The following FMC1 variants were observed in gnomAD, a reference collection of about 807,000 sequenced individuals.
FMC1 encodes protein FMC1 homolog.
FMC1 carries 6 observed loss-of-function variants against 10.5 expected under a neutral mutation model. That is an observed-to-expected ratio of 0.57 (90% confidence interval 0.31 to 1.12). The LOEUF is 1.12. FMC1 is among the 50% of genes most tolerant of loss of function. The pLI is 0.05. For missense variants in FMC1, 146 were observed against 151.7 expected, an observed-to-expected ratio of 0.96 and a Z score of 0.20; for synonymous variants, 59 against 62.1, an observed-to-expected ratio of 0.95 and a Z score of 0.24.
chr7:139,345,929 T>C lies in FMC1; in HGVS notation c.*225T>C, dbSNP rs1799250902. The C allele has an allele frequency of 2.4e-6, 1 of 408,254 alleles. No homozygotes were observed. Among genetic ancestry groups the C allele is most frequent in the Admixed American group, 4.4e-5 (1 of 22,504 alleles). The allele number at this position is 408,254 out of a possible 1,614,324, so 25.3% of individuals were successfully genotyped here. A position where few individuals can be genotyped will look rare whatever the true frequency, so the allele number is the denominator to read the frequency against. On this transcript the variant is annotated 3_prime_UTR_variant, in exon 2 of 2. Transcript: ENST00000297534. ...TTCTACTTAAAAAAATTTTTTTATATTTTATTTTAAAAGTAGTACAAGCCT... is the reference window on the plus strand; with the variant it reads ...TTCTACTTAAAAAAATTTTTTTATACTTTATTTTAAAAGTAGTACAAGCCT...
At position 139,341,341 on chromosome 7, in the gene FMC1, T is replaced by G; in HGVS notation, c.-44T>G. The G allele has an allele frequency of 6.3e-7, 1 of 1,582,486 alleles. No homozygotes were observed. Among genetic ancestry groups the G allele is most frequent in the Non-Finnish European group, 8.6e-7 (1 of 1,159,052 alleles). On this transcript the variant is annotated 5_prime_UTR_variant, in exon 1 of 2. Coordinates refer to ENST00000297534, the MANE Select transcript of FMC1 (RefSeq NM_197964.5). ...TGGGCCGGAGGAGGGGTTTTCAGGG[T>G]CGTAGGACGCCGTTGGGCACCACGC...
At chr7:139,341,569 A>G (rs1198680189) in intron 1 of FMC1, 47 bp downstream of exon 1, 9 of 1,595,308 alleles carry the variant, frequency 5.6e-6, no homozygotes, top group Non-Finnish European at 7.7e-6. Context: ...GGAGGGAGGA[A>G]GAGCCGGGTC....
In FMC1 at chr7:139,341,366, C is replaced by G; in HGVS notation, c.-19C>G. 8 of 1,597,212 alleles carry G rather than the reference C, an allele frequency of 5.0e-6. No individual in the cohort carries two copies. Among genetic ancestry groups the G allele is most frequent in the Non-Finnish European group, 6.9e-6 (8 of 1,167,618 alleles). ...TCGTAGGACGCCGTTGGGCACCACG[C>G]TCGGAGAAGGACAGGACAATGGCGG... is the stretch of plus-strand genomic sequence containing the variant. On this transcript the variant is annotated 5_prime_UTR_variant, in exon 1 of 2. Coordinates refer to ENST00000297534, the MANE Select transcript of FMC1 (RefSeq NM_197964.5).
upstream of FMC1, chr7:139,340,677 G>C: frequency 2.5e-6 from 1 of 394,670 alleles, no homozygotes; most frequent in East Asian, 3.6e-5. Context: ...TGAATATGTT[G>C]TGTGAGCGCG....
upstream of FMC1, chr7:139,340,596 C>T: frequency 2.5e-6 from 1 of 397,404 alleles, no homozygotes. Flanking sequence ...CACGTGGGCG[C>T]TAGGTGTGGT....
chr7:139,341,669 G>A (rs1798976260), intron 1 of FMC1, 147 bp downstream of exon 1: 6 of 1,353,460 alleles, frequency 4.4e-6, no homozygotes, highest in Non-Finnish European at 5.8e-6. Flanking sequence ...ACCAACCCAG[G>A]CCCTAGGCTC....
chr7:139,342,955 C>G (rs917891076), intron 1 of FMC1, among the ~76,000 whole-genome samples: 1 of 152,188 alleles, frequency 6.6e-6, no homozygotes, highest in Admixed American at 6.5e-5. Context: ...GAATAACCAT[C>G]CCATTTTCTC....
intron 1 of FMC1, among the ~76,000 whole-genome samples, chr7:139,343,351 T>C (rs936895501): frequency 2.0e-5 from 3 of 152,338 alleles, no homozygotes; most frequent in East Asian, 1.9e-4. Context: ...CAACATGATC[T>C]GCAGATCCTA....
intron 1 of FMC1, 136 bp downstream of exon 1, chr7:139,341,658 A>C: frequency 1.4e-6 from 2 of 1,423,148 alleles, no homozygotes; most frequent in Non-Finnish European, 1.9e-6. Flanking sequence ...GTTCTGACCA[A>C]ACCAACCCAG....
chr7:139,345,738 G>A lies in FMC1; in HGVS notation c.*34G>A. ...AATATCCTTGGATGCTGCATTCATAGGAGAATTGAATAATTTCTATCAATA... is the reference window on the plus strand; with the variant it reads ...AATATCCTTGGATGCTGCATTCATAAGAGAATTGAATAATTTCTATCAATA... On this transcript the variant is annotated 3_prime_UTR_variant, in exon 2 of 2. Transcript: ENST00000297534. 2 of 1,586,066 alleles carry A rather than the reference G, an allele frequency of 1.3e-6. No homozygotes were observed. The highest frequency in any genetic ancestry group is 1.7e-6 in the Non-Finnish European group (2 of 1,165,748).
At chr7:139,342,037 A>G (rs1251528549) in intron 1 of FMC1, among the ~76,000 whole-genome samples, 1 of 152,158 alleles carries the variant, frequency 6.6e-6, no homozygotes, top group Non-Finnish European at 1.5e-5. Flanking sequence ...CAATGTGGGG[A>G]AAGGGAGAAC....
At position 139,341,440 on chromosome 7, in the gene FMC1, G is replaced by C. The variant is rs139756425; in HGVS notation, c.56G>C (p.Arg19Pro). 24 of 1,613,414 alleles carry C rather than the reference G, an allele frequency of 1.5e-5. No individual in the cohort carries two copies. Among genetic ancestry groups the C allele is most frequent in the Non-Finnish European group, 2.0e-5 (24 of 1,180,006 alleles). Residue 19 changes from arginine (R) to proline (P), a missense_variant, in exon 1 of 2, where the codon CGC becomes CCC. Arg to Pro is a moderately radical substitution (Grantham distance 103). Transcript: ENST00000297534. ...TTTCGAGGACTTCTGCGGGAGTTGC[G>C]CTACCTGAGCGCGGCCACCGGCCGA... is the stretch of plus-strand genomic sequence containing the variant. ...HTFRGLLREL[R>P]YLSAATGRPY... is the part of the protein sequence containing the mutation.
At chr7:139,341,233 G>A, upstream of FMC1, 2 of 1,350,092 alleles carry the variant, frequency 1.5e-6, no homozygotes, top group South Asian at 1.6e-5. Flanking sequence ...AATAAGGTTC[G>A]GTCAACGGAC....
intron 1 of FMC1, among the ~76,000 whole-genome samples, chr7:139,344,610 A>T (rs1434089915): frequency 2.0e-5 from 3 of 152,020 alleles, no homozygotes; most frequent in African/African-American, 7.2e-5. Context: ...GAACATAAGC[A>T]TACTAGTTTT....
intron 1 of FMC1, 35 bp downstream of exon 1, chr7:139,341,557 G>A (rs1221998218): frequency 6.3e-7 from 1 of 1,599,056 alleles, no homozygotes; most frequent in South Asian, 1.1e-5. Flanking sequence ...TCTACGTGCT[G>A]GGGAGGGAGG....
Position 139,341,429 on chromosome 7 carries a change from G to A in FMC1, c.45G>A (p.Leu15=), listed in dbSNP as rs1167881274. 1 of 1,613,402 alleles carries A rather than the reference G, an allele frequency of 6.2e-7. No homozygotes were observed. The highest frequency in any genetic ancestry group is 8.5e-7 in the Non-Finnish European group (1 of 1,180,010). The change falls in exon 1 of 2, where the codon CTG becomes CTA. Residue 15 remains leucine, a synonymous_variant. Coordinates refer to ENST00000297534, the MANE Select transcript of FMC1 (RefSeq NM_197964.5). ...GSPSHTFRGL[L]RELRYLSAAT... is the part of the protein sequence containing the mutation. ...CGTCGCACACTTTTCGAGGACTTCT[G>A]CGGGAGTTGCGCTACCTGAGCGCGG...
chr7:139,340,768 G>C, upstream of FMC1: 2 of 373,836 alleles, frequency 5.3e-6, no homozygotes, highest in Admixed American at 9.1e-5. Flanking sequence ...GTCCCATCTG[G>C]GGTGGCCTGT....
At chr7:139,343,059 T>C (rs1324522107) in intron 1 of FMC1, among the ~76,000 whole-genome samples, 1 of 152,242 alleles carries the variant, frequency 6.6e-6, no homozygotes, top group Non-Finnish European at 1.5e-5. Context: ...TGATCTCTTT[T>C]GGGTTCTTGT....
In FMC1 at chr7:139,345,966, G is replaced by A. The variant is rs1215863267; in HGVS notation, c.*262G>A. On this transcript the variant is annotated 3_prime_UTR_variant, in exon 2 of 2. Transcript: ENST00000297534. Reference sequence around the variant, plus strand: ...AGTAGTACAAGCCTTAGCCAGGCACGGTGGCTCACGCCTGTAATCCCAGCA... The same window carrying A: ...AGTAGTACAAGCCTTAGCCAGGCACAGTGGCTCACGCCTGTAATCCCAGCA... 4 of 243,440 alleles carry A rather than the reference G, an allele frequency of 1.6e-5. No homozygotes were observed. Among genetic ancestry groups the A allele is most frequent in the Admixed American group, 1.1e-4 (2 of 18,448 alleles). The allele number at this position is 243,440 out of a possible 1,614,324, so 15.1% of individuals were successfully genotyped here.
Sources: allele counts gnomAD v4.1 joint callset (sites outside exome capture counted in the v4.1 genomes callset), GRCh38; gene constraint gnomAD v4.1.1; transcripts MANE v1.5; gene names NCBI Gene and HGNC (gene_info 2026-07-23, HGNC 2026-07-21).